The following HLCS variants were observed in gnomAD, a reference collection of about 807,000 sequenced individuals.
The protein encoded by HLCS is biotin--protein ligase.
A neutral mutation model predicts 75.0 loss-of-function variants in HLCS; 53 were observed. That is an observed-to-expected ratio of 0.71 (90% CI 0.57 to 0.89). The LOEUF is 0.89. HLCS is among the 40% of genes least tolerant of loss of function. The pLI, the probability that HLCS is intolerant of heterozygous loss-of-function variation, is 0.00. For synonymous variants in HLCS, 431 were observed against 428.6 expected (o/e 1.01, Z -0.07); for missense variants, 966 against 1,074.0 (o/e 0.90, Z 1.41).
intron 6 of HLCS, among the ~76,000 whole-genome samples, chr21:36,788,250 C>T (rs2060752251): frequency 6.6e-6 from 1 of 152,182 alleles, no homozygotes; most frequent in African/African-American, 2.4e-5. Flanking sequence ...GATGGGCACA[C>T]CTCACTCCCA....
intron 6 of HLCS, among the ~76,000 whole-genome samples, chr21:36,864,078 T>C (rs916159969): frequency 6.6e-6 from 1 of 152,208 alleles, no homozygotes; most frequent in Non-Finnish European, 1.5e-5. Context: ...CAAATTATCA[T>C]AAAAATGTGT....
intron 2 of HLCS, among the ~76,000 whole-genome samples, chr21:36,946,924 C>T (rs543574649): frequency 1.3e-5 from 2 of 152,136 alleles, no homozygotes; most frequent in Non-Finnish European, 2.9e-5. Flanking sequence ...TCGTTGATTT[C>T]AGCTTTGGGA....
chr21:36,919,535 C>T (rs1569192476), intron 5 of HLCS, among the ~76,000 whole-genome samples: 2 of 152,188 alleles, frequency 1.3e-5, no homozygotes, highest in South Asian at 2.1e-4. Context: ...ACAGATAAGA[C>T]GGTTTCCCAT....
At chr21:36,968,075 C>A (rs12483456), upstream of HLCS, among the ~76,000 whole-genome samples, 62,196 of 151,798 alleles carry the variant, frequency 0.41, 13,460 homozygotes, top group South Asian at 0.53. Context: ...GCTGGAGTGC[C>A]GTGGCATAAT....
intron 6 of HLCS, among the ~76,000 whole-genome samples, chr21:36,844,905 C>CCTA (rs1432437858): frequency 6.6e-6 from 1 of 152,058 alleles, no homozygotes; most frequent in Non-Finnish European, 1.5e-5. Context: ...ATGTTGGAGA[C>CCTA]CTATTAAAGA....
chr21:36,771,145 G>A (rs1324393608), intron 6 of HLCS, among the ~76,000 whole-genome samples: 1 of 152,024 alleles, frequency 6.6e-6, no homozygotes, highest in Admixed American at 6.6e-5. Context: ...GCGTGAACCC[G>A]GGAGGCAGAG....
At chr21:36,759,235 T>G (rs999321064) in intron 9 of HLCS, 1 of 470,666 alleles carries the variant, frequency 2.1e-6, no homozygotes, top group Non-Finnish European at 4.4e-6. Context: ...GAATCCATCT[T>G]CTTGCCTGAT....
intron 2 of HLCS, among the ~76,000 whole-genome samples, chr21:36,948,806 G>A (rs561476387): frequency 2.9e-4 from 43 of 148,396 alleles, no homozygotes; most frequent in African/African-American, 9.5e-4. Flanking sequence ...AAGTAACAGC[G>A]TAAGAGTTAT....
intron 6 of HLCS, among the ~76,000 whole-genome samples, chr21:36,833,593 T>TAATATATATATATA (rs68117417): frequency 3.6e-5 from 5 of 140,008 alleles, no homozygotes; most frequent in African/African-American, 1.3e-4. Flanking sequence ...TAAAAAAAAA[T>TAATATATATATATA]TATATATATA....
intron 8 of HLCS, among the ~76,000 whole-genome samples, chr21:36,762,167 C>A (rs996618641): frequency 6.6e-6 from 1 of 152,170 alleles, no homozygotes; most frequent in East Asian, 1.9e-4. Context: ...TCATGGGAGA[C>A]GGAACAGGTG....
intron 9 of HLCS, 75 bp downstream of exon 9, chr21:36,759,652 G>A (rs1272316780): frequency 1.2e-6 from 1 of 854,208 alleles, no homozygotes; most frequent in African/African-American, 1.7e-5. Flanking sequence ...TGCCAATGTA[G>A]GCATGCATAA....
intron 6 of HLCS, among the ~76,000 whole-genome samples, chr21:36,837,368 A>G (rs1156261893): frequency 6.6e-6 from 1 of 152,118 alleles, no homozygotes; most frequent in Admixed American, 6.5e-5. Context: ...AACTTCTGCT[A>G]ATAGGCAACT....
intron 8 of HLCS, among the ~76,000 whole-genome samples, chr21:36,763,630 C>G (rs868203097): frequency 1.2e-4 from 18 of 152,302 alleles, no homozygotes; most frequent in African/African-American, 4.3e-4. Flanking sequence ...GAGTCACGCT[C>G]TTAACATCTT....
intron 6 of HLCS, among the ~76,000 whole-genome samples, chr21:36,806,678 T>C (rs2061369983): frequency 6.6e-6 from 1 of 152,120 alleles, no homozygotes; most frequent in Non-Finnish European, 1.5e-5. Flanking sequence ...GTGGGAGGAA[T>C]GGGACGAGGT....
chr21:36,908,449 T>C (rs973626917), intron 5 of HLCS, among the ~76,000 whole-genome samples: 1 of 151,768 alleles, frequency 6.6e-6, no homozygotes, highest in Admixed American at 6.6e-5. Flanking sequence ...GTGGAGTAAC[T>C]AGAACTCTCA....
chr21:36,937,415 A>G, intron 3 of HLCS, 23 bp from the exon 4 acceptor site: 1 of 1,589,334 alleles, frequency 6.3e-7, no homozygotes, highest in Non-Finnish European at 8.6e-7. Context: ...TAGGAGAGAG[A>G]GACAGAAAAT....
intron 6 of HLCS, chr21:36,896,534 T>C: frequency 2.6e-6 from 1 of 388,564 alleles, no homozygotes; most frequent in Non-Finnish European, 4.8e-6. Flanking sequence ...AAAAGAAGAA[T>C]GATAACCTGA....
At chr21:36,853,859 A>G (rs2063096344) in intron 6 of HLCS, among the ~76,000 whole-genome samples, 1 of 152,196 alleles carries the variant, frequency 6.6e-6, no homozygotes, top group Non-Finnish European at 1.5e-5. Context: ...ACTGAGTGGC[A>G]ATGCTGTTTT....
chr21:36,982,065 G>C (rs1434142955), intron 1 of HLCS, among the ~76,000 whole-genome samples: 1 of 151,960 alleles, frequency 6.6e-6, no homozygotes, highest in Non-Finnish European at 1.5e-5. Flanking sequence ...GGCTAGGTAT[G>C]GTTGTTTTTT....
Sources: allele counts gnomAD v4.1 joint callset (sites outside exome capture counted in the v4.1 genomes callset), GRCh38; gene constraint gnomAD v4.1.1; transcripts MANE v1.5; gene names NCBI Gene and HGNC (gene_info 2026-07-23, HGNC 2026-07-21).